The following PHACTR2 variants were observed in gnomAD, a reference collection of about 807,000 sequenced individuals.
PHACTR2 encodes chromosome 6 open reading frame 56.
PHACTR2 carries 30 observed loss-of-function variants against 76.0 expected under a neutral mutation model. That is an observed-to-expected ratio of 0.39 (90% CI 0.30 to 0.54). The LOEUF is 0.54. PHACTR2 is among the 20% of genes least tolerant of loss of function. PHACTR2 has a pLI of 0.61. For missense variants in PHACTR2, 696 were observed against 781.1 expected, an observed-to-expected ratio of 0.89 and a Z score of 1.30; for synonymous variants, 292 against 292.5, an observed-to-expected ratio of 1.00 and a Z score of 0.02.
chr6:143,701,958 T>C (rs1461557067), intron 1 of PHACTR2, among the ~76,000 whole-genome samples: 1 of 152,040 alleles, frequency 6.6e-6, no homozygotes, highest in Non-Finnish European at 1.5e-5. Flanking sequence ...ATTTCAGCAA[T>C]GAAAAATTGG....
intron 12 of PHACTR2, among the ~76,000 whole-genome samples, chr6:143,810,839 A>G (rs1383313647): frequency 1.3e-5 from 2 of 152,106 alleles, no homozygotes; most frequent in Non-Finnish European, 2.9e-5. Flanking sequence ...CTCAAAAAAA[A>G]AAAAAATTAT....
At chr6:143,802,974 C>T (rs1775991080) in intron 11 of PHACTR2, among the ~76,000 whole-genome samples, 1 of 152,074 alleles carries the variant, frequency 6.6e-6, no homozygotes, top group East Asian at 1.9e-4. Context: ...ACTTCCATTG[C>T]CATATCATTC....
In PHACTR2 at chr6:143,827,155, A is replaced by AAAAAAATAT. The variant is rs1254251707; in HGVS notation, c.*3467_*3468insAAAAATATA. 1 of 77,232 alleles carries AAAAAAATAT rather than the reference A, an allele frequency of 1.3e-5. No individual in the cohort carries two copies. The highest frequency in any genetic ancestry group is 5.0e-5 in the African/African-American group (1 of 20,062). The allele number at this position is 77,232 out of a possible 1,614,324, so 4.8% of individuals were successfully genotyped here. On this transcript the variant is annotated 3_prime_UTR_variant, in exon 13 of 13. Transcript: ENST00000440869. ...GGGCTGCGTTGGCATTAAAAAAGAA[A>AAAAAAATAT]ATATATATATATATATATATATATA...
rs1408825282 is a variant in PHACTR2, at chr6:143,829,384, T to G, written c.*5695T>G. ...ACCTGGTTATGCTGCATCCCATAAG[T>G]TCCAAATGAATCACCTGCTTATCCT... On this transcript the variant is annotated 3_prime_UTR_variant, in exon 13 of 13. Coordinates refer to ENST00000440869, the MANE Select transcript of PHACTR2 (RefSeq NM_001100164.2). 1 of 152,114 alleles carries G rather than the reference T, an allele frequency of 6.6e-6. No homozygotes were observed. Among genetic ancestry groups the G allele is most frequent in the Non-Finnish European group, 1.5e-5 (1 of 68,010 alleles). The allele number at this position is 152,114 out of a possible 1,614,324, so 9.4% of individuals were successfully genotyped here.
chr6:143,815,647 C>G (rs769907865), intron 12 of PHACTR2, among the ~76,000 whole-genome samples: 2 of 152,048 alleles, frequency 1.3e-5, no homozygotes, highest in Non-Finnish European at 2.9e-5. Flanking sequence ...AATCCCAGCA[C>G]TTTGGGAGGC....
At chr6:143,615,413 A>G (rs1776044195) in intron 1 of PHACTR2, among the ~76,000 whole-genome samples, 1 of 152,220 alleles carries the variant, frequency 6.6e-6, no homozygotes, top group African/African-American at 2.4e-5. Context: ...AAGTTGGAGC[A>G]ATTTTTTTAA....
At chr6:143,810,200 CA>C (rs1177773983) in intron 12 of PHACTR2, among the ~76,000 whole-genome samples, 1 of 152,096 alleles carries the variant, frequency 6.6e-6, no homozygotes, top group Non-Finnish European at 1.5e-5. Context: ...AGTTATTGAA[CA>C]ATTACACTAT....
intron 1 of PHACTR2, among the ~76,000 whole-genome samples, chr6:143,660,442 G>A (rs1193181435): frequency 6.6e-6 from 1 of 152,080 alleles, no homozygotes; most frequent in Non-Finnish European, 1.5e-5. Flanking sequence ...AACAGCACAG[G>A]AAAGAGACTC....
rs1236821743 is a variant in PHACTR2 at position 143,557,803 on chromosome 6, A to G, written c.217+20596A>G. On this transcript the variant is annotated intron_variant, in intron 1 of 11. Transcript: ENST00000367584. The surrounding 1 kb of genome is among the most constrained non-coding windows in gnomAD (Gnocchi z 5.5). ...CCCCAATAGAAATGTAAAAGTTGACACCTTGTCAGTGGGAAGCGAAGTCAG... is the reference window on the plus strand; with the variant it reads ...CCCCAATAGAAATGTAAAAGTTGACGCCTTGTCAGTGGGAAGCGAAGTCAG... The G allele has an allele frequency of 6.6e-6, 1 of 152,200 alleles. No homozygotes were observed. The highest frequency in any genetic ancestry group is 2.4e-5 in the African/African-American group (1 of 41,432). 9.4% of individuals were successfully genotyped at this position (152,200 alleles called of 1,614,324 possible).
Position 143,807,168 on chromosome 6 carries a change from G to GCAA in PHACTR2, c.1922+36_1922+37insAAC. ...AAAATGCAGCTTAGAAATTGAAAAT[G>GCAA]CTTAAGATGTGATCCCATGTTGAGT... On this transcript the variant is annotated intron_variant, in intron 12 of 12. Transcript: ENST00000440869. The surrounding 1 kb of genome is among the most constrained non-coding windows in gnomAD (Gnocchi z 5.5). 1.6e-6 allele frequency: 2 copies of GCAA among 1,259,856 alleles called. No individual in the cohort carries two copies. Among genetic ancestry groups the GCAA allele is most frequent in the Non-Finnish European group, 2.3e-6 (2 of 870,208 alleles). The allele number at this position is 1,259,856 out of a possible 1,614,324, so 78.0% of individuals were successfully genotyped here. A position where few individuals can be genotyped will look rare whatever the true frequency, so the allele number is the denominator to read the frequency against.
rs1775046328 is a variant in PHACTR2 at position 143,548,930 on chromosome 6, C to T, written c.217+11723C>T. Among the ~76,000 whole-genome samples the T allele has an allele frequency of 1.3e-5, 2 of 151,750 alleles. No homozygotes were observed. Among genetic ancestry groups the T allele is most frequent in the South Asian group, 4.2e-4 (2 of 4,808 alleles). The stretch of plus-strand genomic sequence containing the variant: ...AAGAATGAGGCATGTTCCTAGGGAA[C>T]AACAAGATAAGAATAGGAAGGATGA... On this transcript the variant is annotated intron_variant, in intron 1 of 11. Transcript: ENST00000367584. The surrounding 1 kb of genome is among the most constrained non-coding windows in gnomAD (Gnocchi z 4.5).
chr6:143,729,044 G>A (rs1312355647), intron 2 of PHACTR2, among the ~76,000 whole-genome samples: 1 of 152,130 alleles, frequency 6.6e-6, no homozygotes, highest in Non-Finnish European at 1.5e-5. Flanking sequence ...AGTCAACAGA[G>A]TGAAGAGACA....
chr6:143,701,665 G>C (rs1235503818), intron 1 of PHACTR2, among the ~76,000 whole-genome samples: 2 of 152,172 alleles, frequency 1.3e-5, no homozygotes, highest in African/African-American at 4.8e-5. Flanking sequence ...CTGCTTACCA[G>C]CTGTGGGATC....
At position 143,653,905 on chromosome 6, in the gene PHACTR2, G is replaced by A. The variant is rs1237274549; in HGVS notation, c.13+45583G>A. ...AAACTAAAAATGTTGTGGCTCAAAG[G>A]ACACCATCTATAAAGTGAAAAGACT... On this transcript the variant is annotated intron_variant, in intron 1 of 11. Coordinates refer to the PHACTR2 transcript ENST00000305766. The surrounding 1 kb of genome is among the most constrained non-coding windows in gnomAD (Gnocchi z 4.9). 6.6e-6 allele frequency among the ~76,000 whole-genome samples: 1 copy of A among 152,138 alleles called. No individual in the cohort carries two copies. The highest frequency in any genetic ancestry group is 2.4e-5 in the African/African-American group (1 of 41,442).
At position 143,659,806 on chromosome 6, in the gene PHACTR2, A is replaced by G. The variant is rs1302609074; in HGVS notation, c.13+51484A>G. Among the ~76,000 whole-genome samples, 1 of 152,194 alleles carries G rather than the reference A, an allele frequency of 6.6e-6. No homozygotes were observed. The highest frequency in any genetic ancestry group is 1.5e-5 in the Non-Finnish European group (1 of 68,036). On this transcript the variant is annotated intron_variant, in intron 1 of 11. Coordinates refer to the PHACTR2 transcript ENST00000305766. The surrounding 1 kb of genome is among the most constrained non-coding windows in gnomAD (Gnocchi z 5.0). ...GCAGAGGAAACTAGAACTCCCTTCC[A>G]GTTTGTTCATCCATACACAGTGATT...
intron 2 of PHACTR2, among the ~76,000 whole-genome samples, chr6:143,746,340 A>G (rs1030778827): frequency 7.9e-5 from 12 of 152,170 alleles, no homozygotes; most frequent in Admixed American, 7.9e-4. Context: ...GTTTTGGGCA[A>G]TTTTAAAGAA....
At position 143,794,201 on chromosome 6, in the gene PHACTR2, G is replaced by T. The variant is rs1775778067; in HGVS notation, c.1845+5291G>T. On this transcript the variant is annotated intron_variant, in intron 11 of 12. Transcript: ENST00000440869. This position sits in a 1 kb window ranked among gnomAD's most constrained non-coding sequence, Gnocchi z 4.1. ...AAATAGTACAATATTATTGCCCAAA[G>T]ATCCTAAGACTATCAATGGTCTTAG... Among the ~76,000 whole-genome samples, 2 of 151,702 alleles carry T rather than the reference G, an allele frequency of 1.3e-5. No homozygotes were observed. Among genetic ancestry groups the T allele is most frequent in the South Asian group, 4.1e-4 (2 of 4,820 alleles).
At chr6:143,701,632 G>A (rs1442893263) in intron 1 of PHACTR2, among the ~76,000 whole-genome samples, 3 of 152,158 alleles carry the variant, frequency 2.0e-5, no homozygotes, top group Non-Finnish European at 4.4e-5. Flanking sequence ...ATACTTGGGA[G>A]GTAAACTCCC....
At position 143,757,008 on chromosome 6, in the gene PHACTR2, C is replaced by A. The variant is rs1343716578; in HGVS notation, c.454+3096C>A. On this transcript the variant is annotated intron_variant, in intron 4 of 12. Coordinates refer to ENST00000440869, the MANE Select transcript of PHACTR2 (RefSeq NM_001100164.2). This position sits in a 1 kb window ranked among gnomAD's most constrained non-coding sequence, Gnocchi z 4.2. ...GTTGTAGTGAGCTGAGTTCAGGCAC[C>A]ATTGCACTCCAGCCTGGGTGACAGC... is the stretch of plus-strand genomic sequence containing the variant. Among the ~76,000 whole-genome samples the A allele has an allele frequency of 1.1e-4, 16 of 151,984 alleles. No homozygotes were observed. The highest frequency in any genetic ancestry group is 1.5e-5 in the Non-Finnish European group (1 of 67,994).
Sources: gnomAD v4.1 joint callset for allele counts (sites outside exome capture counted in the v4.1 genomes callset) on GRCh38, gnomAD v4.1.1 for gene constraint, Gnocchi (gnomAD v3.1) non-coding constraint, MANE v1.5 for transcripts, NCBI Gene and HGNC (gene_info 2026-07-23, HGNC 2026-07-21) for gene names.